Variants in SEMA3A observed in about 807,000 individuals in gnomAD.
SEMA3A encodes the protein semaphorin-3A.
SEMA3A carries 29 observed loss-of-function variants against 97.9 expected under a neutral mutation model. The observed-to-expected ratio is 0.30, with a 90% CI of 0.22 to 0.40. The LOEUF (loss-of-function observed/expected upper bound fraction) is 0.40, where lower values mean the gene tolerates loss of function less well. Among genes scored for constraint, SEMA3A ranks in the 10% least tolerant of loss-of-function variants. The pLI is 1.00. For missense variants in SEMA3A, 763 were observed against 951.3 expected (o/e 0.80, Z 2.60); for synonymous variants, 321 against 323.7 (o/e 0.99, Z 0.09).
intron 4 of SEMA3A, among the ~76,000 whole-genome samples, chr7:84,095,358 C>CACATATATACACATATATATAT (rs1211794166): frequency 8.1e-6 from 1 of 122,904 alleles, no homozygotes; most frequent in Admixed American, 8.0e-5. Flanking sequence ...TTTTTATATA[C>CACATATATACACATATATATAT]ATATATATAT....
chr7:84,406,739 G>C (rs1301568491), intron 1 of SEMA3A, among the ~76,000 whole-genome samples: 1 of 152,154 alleles, frequency 6.6e-6, no homozygotes, highest in African/African-American at 2.4e-5. Context: ...ATGCAAGGCT[G>C]GTTCAACATA....
At chr7:84,054,492 G>T (rs527493124) in intron 5 of SEMA3A, among the ~76,000 whole-genome samples, 6 of 151,906 alleles carry the variant, frequency 3.9e-5, no homozygotes, top group Admixed American at 3.3e-4. Context: ...CCAGTTGATC[G>T]CATCGGCTCC....
intron 1 of SEMA3A, among the ~76,000 whole-genome samples, chr7:84,429,156 A>G (rs1804902333): frequency 6.6e-6 from 1 of 152,010 alleles, no homozygotes; most frequent in South Asian, 2.1e-4. Context: ...TAATTTAGTT[A>G]CTAATTGAGA....
At chr7:84,045,779 T>A (rs2115580037) in intron 6 of SEMA3A, among the ~76,000 whole-genome samples, 1 of 152,048 alleles carries the variant, frequency 6.6e-6, no homozygotes, top group Non-Finnish European at 1.5e-5. Context: ...ATAATAATCC[T>A]AACCTATAAA....
chr7:84,029,069 C>A (rs1177422380), intron 6 of SEMA3A, among the ~76,000 whole-genome samples: 1 of 152,200 alleles, frequency 6.6e-6, no homozygotes, highest in African/African-American at 2.4e-5. Context: ...GAATATAGTG[C>A]TGAGCACAAA....
intron 4 of SEMA3A, among the ~76,000 whole-genome samples, chr7:84,067,713 C>T (rs910464504): frequency 6.6e-6 from 1 of 151,948 alleles, no homozygotes; most frequent in Non-Finnish European, 1.5e-5. Context: ...CAAATCAAAA[C>T]CACAATAAGA....
intron 1 of SEMA3A, among the ~76,000 whole-genome samples, chr7:84,402,086 A>T (rs1489271867): frequency 6.6e-6 from 1 of 152,194 alleles, no homozygotes; most frequent in Non-Finnish European, 1.5e-5. Context: ...ACATTTGTAA[A>T]CTATCCACCC....
chr7:84,442,673 C>T (rs1805302098), intron 1 of SEMA3A, among the ~76,000 whole-genome samples: 1 of 151,908 alleles, frequency 6.6e-6, no homozygotes, highest in Admixed American at 6.6e-5. Flanking sequence ...AAAAAGATAG[C>T]AGAATGGATT....
At chr7:84,164,441 T>C (rs1797139599) in intron 1 of SEMA3A, among the ~76,000 whole-genome samples, 1 of 152,198 alleles carries the variant, frequency 6.6e-6, no homozygotes, top group Non-Finnish European at 1.5e-5. Flanking sequence ...CATGTTTCTT[T>C]ATCATTCCCT....
At chr7:84,045,203 G>T (rs73187451) in intron 6 of SEMA3A, among the ~76,000 whole-genome samples, 8 of 151,990 alleles carry the variant, frequency 5.3e-5, no homozygotes, top group Admixed American at 5.3e-4. Context: ...GAATAAGGCA[G>T]GAAAACTAAG....
intron 4 of SEMA3A, among the ~76,000 whole-genome samples, chr7:84,101,052 C>G (rs973507411): frequency 6.6e-6 from 1 of 152,152 alleles, no homozygotes; most frequent in South Asian, 2.1e-4. Context: ...AAGGATACAG[C>G]TGACTAATCA....
Position 84,146,324 on chromosome 7 carries a change from C to T in SEMA3A, c.113-11373G>A, listed in dbSNP as rs560521273. Reference sequence around the variant, plus strand: ...AGACTGTCTGAAGTCTGACTACTTGCATTTAGAAAAGAGCATACATGACTT... The same window carrying T: ...AGACTGTCTGAAGTCTGACTACTTGTATTTAGAAAAGAGCATACATGACTT... On this transcript the variant is annotated intron_variant, in intron 1 of 16. Transcript: ENST00000265362. 3.3e-5 allele frequency among the ~76,000 whole-genome samples: 5 copies of T among 152,202 alleles called. No homozygotes were observed. The East Asian group carries it at 9.7e-4, about 29-fold the overall frequency.
At chr7:83,965,647 TATATATATATATATA>T (rs1562943453) in intron 15 of SEMA3A, among the ~76,000 whole-genome samples, 8 of 10,778 alleles carry the variant, frequency 7.4e-4, no homozygotes, top group African/African-American at 2.6e-3. Flanking sequence ...TATATATATA[TATATATATATATATA>T]TATATTTTTT....
At chr7:84,198,071 T>C (rs559994236), upstream of SEMA3A, among the ~76,000 whole-genome samples, 1 of 152,334 alleles carries the variant, frequency 6.6e-6, no homozygotes, top group Non-Finnish European at 1.5e-5. Context: ...ATCTGTGGCC[T>C]AAATTCTGAA....
At chr7:84,220,338 C>T (rs531190456) in intron 3 of SEMA3A, among the ~76,000 whole-genome samples, 1 of 152,242 alleles carries the variant, frequency 6.6e-6, no homozygotes, top group South Asian at 2.1e-4. Context: ...CCACTGAAGT[C>T]TTAAAATCCT....
intron 1 of SEMA3A, among the ~76,000 whole-genome samples, chr7:84,385,926 A>G (rs1293083400): frequency 1.3e-5 from 2 of 152,138 alleles, no homozygotes; most frequent in African/African-American, 2.4e-5. Flanking sequence ...TTTCTTTCTT[A>G]TTATATATTG....
chr7:84,161,364 CA>C (rs1208746300), intron 1 of SEMA3A, among the ~76,000 whole-genome samples: 12 of 143,966 alleles, frequency 8.3e-5, no homozygotes, highest in East Asian at 6.0e-4. Context: ...AATTCCATCT[CA>C]AAAAAAAAAG....
chr7:84,325,442 A>G (rs1801753014), intron 2 of SEMA3A, among the ~76,000 whole-genome samples: 1 of 152,098 alleles, frequency 6.6e-6, no homozygotes, highest in Non-Finnish European at 1.5e-5. Context: ...GAATAAAGAC[A>G]GAAGATTTGC....
chr7:84,452,739 C>A (rs577180604), intron 1 of SEMA3A, among the ~76,000 whole-genome samples: 2 of 152,312 alleles, frequency 1.3e-5, no homozygotes, highest in East Asian at 3.9e-4. Flanking sequence ...AGACTGCACA[C>A]GGCAACAACA....
Sources: allele counts gnomAD v4.1 joint callset (sites outside exome capture counted in the v4.1 genomes callset), GRCh38; gene constraint gnomAD v4.1.1; transcripts MANE v1.5; gene names NCBI Gene and HGNC (gene_info 2026-07-23, HGNC 2026-07-21).